OPCML: variants seen among roughly 807,000 people sequenced by gnomAD.
The protein encoded by OPCML is opioid binding protein/cell adhesion molecule like.
A neutral mutation model predicts 37.8 loss-of-function variants in OPCML; 13 were observed. The ratio of observed to expected loss-of-function variants is 0.34; its 90% CI spans 0.22 to 0.55. OPCML has a LOEUF of 0.55. Ranked by LOEUF, OPCML falls within the 20% of genes least tolerant of loss-of-function variation. The probability of loss-of-function intolerance (pLI) is 0.91; values close to 1 mark genes in which losing one functional copy is unlikely to be tolerated. For missense variants in OPCML, 341 were observed against 435.6 expected (o/e 0.78, Z 1.93); for synonymous variants, 176 against 168.8 (o/e 1.04, Z -0.33).
intron 1 of OPCML, among the ~76,000 whole-genome samples, chr11:133,081,741 C>T (rs1485675973): frequency 2.6e-5 from 4 of 152,154 alleles, no homozygotes; most frequent in African/African-American, 7.2e-5. Context: ...ACTCATCACC[C>T]AATCCAGAAT....
At chr11:133,120,995 T>G (rs1316660981) in intron 1 of OPCML, among the ~76,000 whole-genome samples, 1 of 152,190 alleles carries the variant, frequency 6.6e-6, no homozygotes, top group Non-Finnish European at 1.5e-5. Context: ...TGATCTCAGC[T>G]CACCGCAACC....
At chr11:133,465,602 T>C (rs1174610980) in intron 1 of OPCML, among the ~76,000 whole-genome samples, 2 of 152,204 alleles carry the variant, frequency 1.3e-5, no homozygotes, top group Non-Finnish European at 2.9e-5. Context: ...TAAGCACATA[T>C]ATTTTATAAT....
At chr11:133,493,260 G>T (rs146229858) in intron 1 of OPCML, among the ~76,000 whole-genome samples, 459 of 152,340 alleles carry the variant, frequency 3.0e-3, no homozygotes, top group African/African-American at 9.5e-3. Flanking sequence ...CTTGCACGCC[G>T]GGCAGGCCTC....
At chr11:133,049,903 A>G (rs1485525000) in intron 1 of OPCML, among the ~76,000 whole-genome samples, 1 of 152,214 alleles carries the variant, frequency 6.6e-6, no homozygotes, top group Non-Finnish European at 1.5e-5. Context: ...CCTCTCTAGC[A>G]TGCATGCCTC....
At chr11:133,431,679 G>A (rs900845008) in intron 1 of OPCML, among the ~76,000 whole-genome samples, 24 of 151,454 alleles carry the variant, frequency 1.6e-4, no homozygotes, top group Non-Finnish European at 3.1e-4. Flanking sequence ...TGGTCAGGCT[G>A]GTCTGGAACT....
intron 3 of OPCML, among the ~76,000 whole-genome samples, chr11:132,646,304 T>C (rs748136437): frequency 6.6e-6 from 1 of 152,022 alleles, no homozygotes; most frequent in Non-Finnish European, 1.5e-5. Flanking sequence ...GAAAGAAACA[T>C]TCCTCCTACC....
At chr11:132,520,131 G>A (rs2096289182) in intron 4 of OPCML, among the ~76,000 whole-genome samples, 1 of 152,186 alleles carries the variant, frequency 6.6e-6, no homozygotes, top group Non-Finnish European at 1.5e-5. Flanking sequence ...CTTAGGAAAG[G>A]CAAGGCAAGA....
intron 1 of OPCML, among the ~76,000 whole-genome samples, chr11:133,110,049 G>A (rs771214817): frequency 6.6e-6 from 1 of 152,128 alleles, no homozygotes; most frequent in Non-Finnish European, 1.5e-5. Context: ...GAAATCTGGT[G>A]AGCAGAACCA....
chr11:133,092,867 A>AT (rs1379194850), intron 1 of OPCML, among the ~76,000 whole-genome samples: 9 of 152,134 alleles, frequency 5.9e-5, no homozygotes, highest in Admixed American at 1.3e-4. Flanking sequence ...AGAGAGAGAG[A>AT]GGATTTCTGG....
intron 1 of OPCML, among the ~76,000 whole-genome samples, chr11:133,098,744 C>T (rs1018805374): frequency 2.6e-5 from 4 of 152,152 alleles, no homozygotes; most frequent in African/African-American, 9.7e-5. Flanking sequence ...CTAGACTTCC[C>T]CACTAAAATT....
intron 1 of OPCML, among the ~76,000 whole-genome samples, chr11:133,140,514 A>AATT (rs1199502888): frequency 5.9e-4 from 27 of 45,462 alleles, no homozygotes; most frequent in Middle Eastern, 7.5e-3. Flanking sequence ...TCTGTCTCAA[A>AATT]ATAATAATAA....
At chr11:133,428,136 G>A (rs115795350) in intron 1 of OPCML, among the ~76,000 whole-genome samples, 6,097 of 152,210 alleles carry the variant, frequency 0.04, 145 homozygotes, top group Non-Finnish European at 0.053. Flanking sequence ...ATTTAGTTTA[G>A]TATTGGAAAA....
chr11:133,297,254 A>C (rs1942653641), intron 1 of OPCML: 1 of 152,222 alleles, frequency 6.6e-6, no homozygotes, highest in Admixed American at 6.5e-5. Context: ...CAACCACCTT[A>C]TATTCCACTG....
chr11:133,511,737 G>A (rs1381006149), intron 1 of OPCML, among the ~76,000 whole-genome samples: 1 of 149,352 alleles, frequency 6.7e-6, no homozygotes, highest in Admixed American at 6.7e-5. Flanking sequence ...TTCTTCAGTT[G>A]TTCTAACATA....
rs71477795 is a variant in OPCML at position 133,433,251 on chromosome 11, C to CAAAAAAAAAAAAAAAAAAAAA, written c.61+99012_61+99013insTTTTTTTTTTTTTTTTTTTTT. Among the ~76,000 whole-genome samples, 49 of 90,664 alleles carry CAAAAAAAAAAAAAAAAAAAAA rather than the reference C, an allele frequency of 5.4e-4. 1 individual carries two copies. The highest frequency in any genetic ancestry group is 2.1e-3 in the African/African-American group (45 of 21,774). 59.5% of individuals were successfully genotyped at this position (90,664 alleles called of 152,430 possible). ...TGGGCGACAGAGCGAGACTCCGTCT[C>CAAAAAAAAAAAAAAAAAAAAA]AAAAAAAAAAAAAAAAAAATATTAC... On this transcript the variant is annotated intron_variant, in intron 1 of 7. Coordinates refer to ENST00000524381, the MANE Select transcript of OPCML (RefSeq NM_001012393.5).
rs181898239 is a variant in OPCML at position 133,363,883 on chromosome 11, A to C, written c.61+168381T>G. Reference sequence around the variant, plus strand: ...TAGCATGGTACCCAAGAACCTACTCAGGCTGACCTCAAAGGTATACTCCAA... The same window carrying C: ...TAGCATGGTACCCAAGAACCTACTCCGGCTGACCTCAAAGGTATACTCCAA... On this transcript the variant is annotated intron_variant, in intron 1 of 7. Coordinates refer to ENST00000524381, the MANE Select transcript of OPCML (RefSeq NM_001012393.5). Among the ~76,000 whole-genome samples the C allele has an allele frequency of 2.0e-3, 307 of 152,270 alleles. 3 individuals are homozygous for C. The highest frequency in any genetic ancestry group is 6.8e-3 in the Middle Eastern group (2 of 294).
intron 1 of OPCML, among the ~76,000 whole-genome samples, chr11:133,390,051 G>A (rs894447222): frequency 6.6e-6 from 1 of 152,200 alleles, no homozygotes; most frequent in Non-Finnish European, 1.5e-5. Flanking sequence ...CTATGTGAAC[G>A]TGGATAATGT....
At chr11:132,851,998 C>T (rs537069572) in intron 2 of OPCML, among the ~76,000 whole-genome samples, 1 of 152,322 alleles carries the variant, frequency 6.6e-6, no homozygotes, top group East Asian at 1.9e-4. Context: ...AGCATTCTGA[C>T]CTTCCCTTTT....
chr11:133,372,668 C>T (rs1359999361), intron 1 of OPCML, among the ~76,000 whole-genome samples: 1 of 152,184 alleles, frequency 6.6e-6, no homozygotes, highest in African/African-American at 2.4e-5. Context: ...AAGCACTTCA[C>T]AGGTAATTAT....
Sources: allele counts gnomAD v4.1 joint callset (sites outside exome capture counted in the v4.1 genomes callset), GRCh38; gene constraint gnomAD v4.1.1; transcripts MANE v1.5; gene names NCBI Gene and HGNC (gene_info 2026-07-23, HGNC 2026-07-21).